The following DENND2A variants were observed in gnomAD, a reference collection of about 807,000 sequenced individuals.
The protein encoded by DENND2A is DENN domain containing 2A.
DENND2A carries 53 observed loss-of-function variants against 105.3 expected under a neutral mutation model. That is an observed-to-expected ratio of 0.50 (90% confidence interval 0.40 to 0.63). The LOEUF is 0.63. Ranked by LOEUF, DENND2A falls within the 30% of genes least tolerant of loss-of-function variation. The pLI is 0.00. For synonymous variants in DENND2A, 522 were observed against 508.4 expected (o/e 1.03, Z -0.36); for missense variants, 1,138 against 1,279.6 (o/e 0.89, Z 1.69).
intron 2 of DENND2A, among the ~76,000 whole-genome samples, chr7:140,602,860 T>A (rs902017275): frequency 6.6e-6 from 1 of 152,092 alleles, no homozygotes; most frequent in African/African-American, 2.4e-5. Context: ...GGAGACAGCA[T>A]GGTGAAATGA....
rs573421276 is a variant in DENND2A, at chr7:140,585,572, T to A, written c.1245+17A>T. ...CTTTGGCCCCCTCTCCTGCCACCAT[T>A]CCCAGGGGACTCATACCTTGGTGAG... On this transcript the variant is annotated intron_variant, in intron 5 of 19. Transcript: ENST00000496613. 1 of 1,613,790 alleles carries A rather than the reference T, an allele frequency of 6.2e-7. No individual in the cohort carries two copies. The highest frequency in any genetic ancestry group is 1.3e-5 in the African/African-American group (1 of 74,992).
At chr7:140,557,532 T>TATA (rs71173208) in intron 11 of DENND2A, among the ~76,000 whole-genome samples, 54 of 14,236 alleles carry the variant, frequency 3.8e-3, no homozygotes, top group South Asian at 6.9e-3. Context: ...TATATATATA[T>TATA]TTTTTTTTTT....
At chr7:140,562,488 C>T (rs1282295364) in intron 9 of DENND2A, among the ~76,000 whole-genome samples, 5 of 151,940 alleles carry the variant, frequency 3.3e-5, no homozygotes, top group African/African-American at 9.7e-5. Context: ...GGTGAAACCC[C>T]GTCTCTACTA....
chr7:140,601,069 G>GTTA (rs1799466738), intron 3 of DENND2A, among the ~76,000 whole-genome samples: 1 of 152,088 alleles, frequency 6.6e-6, no homozygotes, highest in South Asian at 2.1e-4. Context: ...AGTTAGCAGG[G>GTTA]ACTACCAAGT....
At chr7:140,595,596 C>T (rs182533274) in intron 3 of DENND2A, among the ~76,000 whole-genome samples, 1 of 152,184 alleles carries the variant, frequency 6.6e-6, no homozygotes, top group Non-Finnish European at 1.5e-5. Flanking sequence ...TAGCAAAACC[C>T]TGCCTCTACA....
At chr7:140,632,576 T>C (rs974294158) in intron 1 of DENND2A, among the ~76,000 whole-genome samples, 8 of 152,186 alleles carry the variant, frequency 5.3e-5, no homozygotes, top group Non-Finnish European at 1.2e-4. Flanking sequence ...AGTGCTTTTT[T>C]TCTTTTTTTG....
At chr7:140,555,609 C>G in intron 12 of DENND2A, 27 bp downstream of exon 12, 3 of 1,609,850 alleles carry the variant, frequency 1.9e-6, no homozygotes, top group Non-Finnish European at 2.5e-6. Flanking sequence ...CCTTCCCTTC[C>G]TCTTTCTCTG....
At position 140,534,081 on chromosome 7, in the gene DENND2A, ATTTTTTTTTTT is replaced by A. The variant is rs3042407; in HGVS notation, c.2328-6597_2328-6587del. Among the ~76,000 whole-genome samples the A allele has an allele frequency of 3.7e-5, 3 of 80,102 alleles. No homozygotes were observed. The South Asian group carries it at 1.5e-3, about 40-fold the overall frequency. The allele number at this position is 80,102 out of a possible 152,430, so 52.6% of individuals were successfully genotyped here. A position where few individuals can be genotyped will look rare whatever the true frequency, so the allele number is the denominator to read the frequency against. On this transcript the variant is annotated intron_variant, in intron 14 of 19. Transcript: ENST00000496613. ...GGCACGTGCCACCAATGCCTGGTTA[ATTTTTTTTTTT>A]TTTTTTTTTTGAGATGGAGTCTTGC...
chr7:140,544,243 G>A (rs1017322434), intron 14 of DENND2A: 83 of 324,978 alleles, frequency 2.6e-4, no homozygotes, highest in Non-Finnish European at 2.5e-4. Flanking sequence ...TGCCCAAGCT[G>A]GAGTGCAGTG....
At chr7:140,613,376 C>T (rs1799969555) in intron 1 of DENND2A, among the ~76,000 whole-genome samples, 1 of 151,524 alleles carries the variant, frequency 6.6e-6, no homozygotes. Context: ...CCCATCTCTA[C>T]TAAAAATAGA....
chr7:140,609,727 C>G (rs1010507583), intron 1 of DENND2A: 1 of 152,194 alleles, frequency 6.6e-6, no homozygotes, highest in Non-Finnish European at 1.5e-5. Context: ...AGTCCATAAT[C>G]TAACCCTGTT....
chr7:140,581,859 T>G (rs1482476383), intron 5 of DENND2A, among the ~76,000 whole-genome samples: 1 of 152,158 alleles, frequency 6.6e-6, no homozygotes, highest in Non-Finnish European at 1.5e-5. Flanking sequence ...GCAGAGGCTC[T>G]AGGTTTTCTC....
chr7:140,533,761 T>C (rs1240035408), intron 14 of DENND2A, among the ~76,000 whole-genome samples: 2 of 152,192 alleles, frequency 1.3e-5, no homozygotes, highest in Non-Finnish European at 2.9e-5. Context: ...TTGAGTAGTC[T>C]GATCCCACTG....
intron 14 of DENND2A, among the ~76,000 whole-genome samples, chr7:140,534,365 G>A (rs1284811609): frequency 1.3e-5 from 2 of 152,122 alleles, no homozygotes; most frequent in African/African-American, 2.4e-5. Context: ...TTACAGGCAT[G>A]AGCCACCACG....
At chr7:140,599,337 A>AAAT (rs999232903) in intron 3 of DENND2A, among the ~76,000 whole-genome samples, 2 of 152,084 alleles carry the variant, frequency 1.3e-5, no homozygotes, top group Non-Finnish European at 1.5e-5. Flanking sequence ...CTCGAAAAAA[A>AAAT]AATAATAATA....
chr7:140,574,706 A>T (rs991410932), intron 5 of DENND2A, among the ~76,000 whole-genome samples: 1 of 152,094 alleles, frequency 6.6e-6, no homozygotes, highest in Non-Finnish European at 1.5e-5. Flanking sequence ...TCAATATCTT[A>T]TTTCTAAAAC....
chr7:140,591,667 C>T (rs1799025767), intron 3 of DENND2A, among the ~76,000 whole-genome samples: 1 of 148,214 alleles, frequency 6.7e-6, no homozygotes, highest in Non-Finnish European at 1.5e-5. Context: ...TTCTTTCTTT[C>T]TTTCTCTTTC....
chr7:140,597,112 A>C (rs1331983885), intron 3 of DENND2A, among the ~76,000 whole-genome samples: 2 of 152,310 alleles, frequency 1.3e-5, no homozygotes, highest in East Asian at 3.9e-4. Flanking sequence ...AAGGAAAGAG[A>C]AGAGGAGAAA....
chr7:140,596,898 G>A (rs1475880345), intron 3 of DENND2A, among the ~76,000 whole-genome samples: 1 of 152,212 alleles, frequency 6.6e-6, no homozygotes, highest in Non-Finnish European at 1.5e-5. Flanking sequence ...GCTATTAAGT[G>A]TATGCCATAA....
Sources: allele counts gnomAD v4.1 joint callset (sites outside exome capture counted in the v4.1 genomes callset), GRCh38; gene constraint gnomAD v4.1.1; transcripts MANE v1.5; gene names NCBI Gene and HGNC (gene_info 2026-07-23, HGNC 2026-07-21).